Variants in CRB1 observed in about 807,000 individuals in gnomAD.
CRB1 encodes protein crumbs homolog 1.
A neutral mutation model predicts 120.0 loss-of-function variants in CRB1; 83 were observed. That is an observed-to-expected ratio of 0.69 (90% confidence interval 0.58 to 0.83). CRB1 has a LOEUF of 0.83. Among genes scored for constraint, CRB1 ranks in the 40% least tolerant of loss-of-function variants. CRB1 has a pLI of 0.00. For missense variants in CRB1, 1,699 were observed against 1,687.6 expected (o/e 1.01, Z -0.12); for synonymous variants, 625 against 612.5 (o/e 1.02, Z -0.30).
chr1:197,222,953 G>C, the CRB1 span: 2 of 882,040 alleles, frequency 2.3e-6, no homozygotes, highest in Middle Eastern at 4.4e-4. Context: ...AGAGTTTGCA[G>C]ATAACATGTA....
At chr1:197,295,107 A>AT (rs1350017055) in intron 1 of CRB1, among the ~76,000 whole-genome samples, 3 of 151,992 alleles carry the variant, frequency 2.0e-5, no homozygotes, top group South Asian at 2.1e-4. Flanking sequence ...GGAGGCAAGT[A>AT]TTTTTTTTCA....
At chr1:197,473,778 T>C (rs1667084502) in intron 11 of CRB1, among the ~76,000 whole-genome samples, 1 of 151,976 alleles carries the variant, frequency 6.6e-6, no homozygotes, top group Admixed American at 6.6e-5. Flanking sequence ...TCAGTTCATG[T>C]GTCCCAGCAG....
chr1:197,451,157 T>G (rs1382441082), intron 11 of CRB1, among the ~76,000 whole-genome samples: 1 of 152,124 alleles, frequency 6.6e-6, no homozygotes, highest in East Asian at 1.9e-4. Flanking sequence ...ATTTCAGAAA[T>G]AGTGTAGAGA....
At chr1:197,341,051 T>C (rs1659425397) in intron 2 of CRB1, among the ~76,000 whole-genome samples, 2 of 152,098 alleles carry the variant, frequency 1.3e-5, no homozygotes, top group African/African-American at 4.8e-5. Context: ...TTGTGAGACT[T>C]ATTCACTATC....
chr1:197,471,025 T>C (rs1015522283), intron 11 of CRB1, among the ~76,000 whole-genome samples: 9 of 152,322 alleles, frequency 5.9e-5, no homozygotes, highest in Admixed American at 1.3e-4. Context: ...CAGTTTTTTT[T>C]TTCTCATTTA....
At chr1:197,327,669 T>C (rs1658596263) in intron 1 of CRB1, among the ~76,000 whole-genome samples, 1 of 152,232 alleles carries the variant, frequency 6.6e-6, no homozygotes, top group African/African-American at 2.4e-5. Context: ...AATGCAAATA[T>C]AGAAATAATT....
At chr1:197,237,651 A>G in the CRB1 span, among the ~76,000 whole-genome samples, 1 of 152,196 alleles carries the variant, frequency 6.6e-6, no homozygotes, top group South Asian at 2.1e-4. Flanking sequence ...ATATTTGTAG[A>G]CACAGTTGTT....
chr1:197,429,405 T>C lies in CRB1; in HGVS notation c.2677-44T>C, dbSNP rs1664761042. On this transcript the variant is annotated intron_variant, in intron 7 of 11. Coordinates refer to ENST00000367400, the MANE Select transcript of CRB1 (RefSeq NM_201253.3). Reference sequence around the variant, plus strand: ...GTTTCACCGTCAACATTTTTCTATTTAGTTGCCAGTGCTTTTTATACCTTT... The same window carrying C: ...GTTTCACCGTCAACATTTTTCTATTCAGTTGCCAGTGCTTTTTATACCTTT... 7 of 1,602,696 alleles carry C rather than the reference T, an allele frequency of 4.4e-6. No homozygotes were observed. The Admixed American group carries it at 1.2e-4, about 27-fold the overall frequency.
intron 1 of CRB1, among the ~76,000 whole-genome samples, chr1:197,286,050 T>C (rs1655806351): frequency 6.6e-6 from 1 of 151,884 alleles, no homozygotes; most frequent in African/African-American, 2.4e-5. Flanking sequence ...GTACTCATTG[T>C]AGCTCAGTAC....
intron 4 of CRB1, among the ~76,000 whole-genome samples, chr1:197,355,817 C>T (rs577388434): frequency 6.6e-6 from 1 of 152,298 alleles, no homozygotes; most frequent in Non-Finnish European, 1.5e-5. Flanking sequence ...ACTCCATTCT[C>T]GGCCAGCCCA....
chr1:197,285,831 A>G (rs1655791985), intron 1 of CRB1, among the ~76,000 whole-genome samples: 1 of 151,962 alleles, frequency 6.6e-6, no homozygotes, highest in South Asian at 2.1e-4. Flanking sequence ...ATAATGAAAG[A>G]GAATCAACTG....
At chr1:197,449,021 CTT>C (rs1665830931) in intron 11 of CRB1, among the ~76,000 whole-genome samples, 1 of 152,166 alleles carries the variant, frequency 6.6e-6, no homozygotes, top group African/African-American at 2.4e-5. Flanking sequence ...TCATGATACA[CTT>C]ATAGCTAAGT....
intron 5 of CRB1, chr1:197,357,787 A>G (rs369446596): frequency 6.6e-6 from 1 of 152,522 alleles, no homozygotes; most frequent in East Asian, 1.9e-4. Context: ...GGGGGTGTCT[A>G]TTTACACTTA....
chr1:197,400,471 A>ATTT (rs5779868), intron 5 of CRB1, among the ~76,000 whole-genome samples: 3 of 146,878 alleles, frequency 2.0e-5, no homozygotes, highest in Non-Finnish European at 3.0e-5. Context: ...GTAAAAGAGC[A>ATTT]TTTTTTTTTT....
At position 197,477,682 on chromosome 1, in the gene CRB1, T is replaced by G; in HGVS notation, c.4024T>G (p.Ser1342Ala). ...TTTCCAGTTGGCAGATGACTTGATC[T>G]CCGACATTTTCACCACTATTGGCTC... ...CEVDLADDLI[S>A]DIFTTIGSVT... Residue 1342 changes from serine (S) to alanine (A), a missense_variant, in exon 12 of 12, where the codon TCC becomes GCC. Coordinates refer to ENST00000367400, the MANE Select transcript of CRB1 (RefSeq NM_201253.3). 4 of 1,613,868 alleles carry G rather than the reference T, an allele frequency of 2.5e-6. No homozygotes were observed. Among genetic ancestry groups the G allele is most frequent in the Non-Finnish European group, 3.4e-6 (4 of 1,179,808 alleles).
chr1:197,264,387 G>A (rs1654585847), upstream of CRB1, among the ~76,000 whole-genome samples: 1 of 152,032 alleles, frequency 6.6e-6, no homozygotes, highest in African/African-American at 2.4e-5. Flanking sequence ...TGGACATTTA[G>A]GTTAGTTCTA....
At chr1:197,212,905 A>G in the CRB1 span, among the ~76,000 whole-genome samples, 1 of 152,304 alleles carries the variant, frequency 6.6e-6, no homozygotes, top group South Asian at 2.1e-4. Context: ...TGGCAAAAAG[A>G]TAGACCATCC....
chr1:197,285,777 T>C (rs1412719526), intron 1 of CRB1, among the ~76,000 whole-genome samples: 1 of 151,890 alleles, frequency 6.6e-6, no homozygotes, highest in Non-Finnish European at 1.5e-5. Flanking sequence ...TCTCCCATAT[T>C]TACCAAGGAA....
chr1:197,443,371 C>A (rs1665552828), intron 11 of CRB1: 1 of 151,886 alleles, frequency 6.6e-6, no homozygotes, highest in African/African-American at 2.4e-5. Flanking sequence ...AACAAAGTTA[C>A]AAATAATCCT....
Sources: allele counts gnomAD v4.1 joint callset (sites outside exome capture counted in the v4.1 genomes callset), GRCh38; gene constraint gnomAD v4.1.1; transcripts MANE v1.5; gene names NCBI Gene and HGNC (gene_info 2026-07-23, HGNC 2026-07-21).